The following KHDRBS2 variants were observed in gnomAD, a reference collection of about 807,000 sequenced individuals.
The protein encoded by KHDRBS2 is KH RNA binding domain containing, signal transduction associated 2, also known as KH domain-containing, RNA-binding, signal transduction-associated protein 2.
A neutral mutation model predicts 44.3 loss-of-function variants in KHDRBS2; 26 were observed. That is an observed-to-expected ratio of 0.59 (90% confidence interval 0.43 to 0.81). KHDRBS2 has a LOEUF of 0.81. KHDRBS2 is among the 40% of genes least tolerant of loss of function. The pLI is 0.00. For missense variants in KHDRBS2, 476 were observed against 433.1 expected (o/e 1.10, Z -0.88); for synonymous variants, 194 against 151.1 (o/e 1.28, Z -2.08).
At chr6:61,942,693 C>T (rs577031945) in intron 4 of KHDRBS2, among the ~76,000 whole-genome samples, 78 of 152,036 alleles carry the variant, frequency 5.1e-4, no homozygotes, top group African/African-American at 1.5e-3. Context: ...CCAAGTCTAG[C>T]GAGAAATTTA....
intron 2 of KHDRBS2, among the ~76,000 whole-genome samples, chr6:62,090,359 T>C (rs1299225390): frequency 6.6e-6 from 1 of 152,190 alleles, no homozygotes; most frequent in Non-Finnish European, 1.5e-5. Context: ...GAAAACAGAA[T>C]AAATTAATAC....
intron 2 of KHDRBS2, among the ~76,000 whole-genome samples, chr6:62,064,958 A>G (rs529314592): frequency 2.6e-5 from 4 of 152,140 alleles, no homozygotes; most frequent in Non-Finnish European, 5.9e-5. Context: ...AACCCCATCA[A>G]AAAGTGGGTG....
intron 6 of KHDRBS2, among the ~76,000 whole-genome samples, chr6:61,740,775 C>T (rs1298390972): frequency 6.6e-6 from 1 of 151,808 alleles, no homozygotes; most frequent in African/African-American, 2.4e-5. Context: ...TAAGTGTTTT[C>T]TTGTCAGGTC....
At chr6:61,890,380 A>T (rs1801636473) in intron 6 of KHDRBS2, among the ~76,000 whole-genome samples, 1 of 152,194 alleles carries the variant, frequency 6.6e-6, no homozygotes, top group Non-Finnish European at 1.5e-5. Flanking sequence ...CCACATTTCC[A>T]TAAACTCTTT....
chr6:61,623,611 T>A, the KHDRBS2 span, among the ~76,000 whole-genome samples: 1 of 152,172 alleles, frequency 6.6e-6, no homozygotes, highest in Non-Finnish European at 1.5e-5. Flanking sequence ...TATTTTAAGA[T>A]GGAAATAATA....
chr6:61,963,747 T>C (rs1769282606), intron 4 of KHDRBS2, among the ~76,000 whole-genome samples: 1 of 152,070 alleles, frequency 6.6e-6, no homozygotes. Flanking sequence ...TTACAAGGGT[T>C]TCTCCTCATC....
intron 4 of KHDRBS2, among the ~76,000 whole-genome samples, chr6:61,931,561 T>C (rs1019402486): frequency 1.3e-5 from 2 of 152,196 alleles, no homozygotes; most frequent in Non-Finnish European, 2.9e-5. Flanking sequence ...TGGTTTTATA[T>C]GCTCATTTAT....
At position 61,831,490 on chromosome 6, in the gene KHDRBS2, G is replaced by T. The variant is rs559676983; in HGVS notation, c.810+63145C>A. On this transcript the variant is annotated intron_variant, in intron 6 of 8. Transcript: ENST00000281156. ...CATCTATACCATGACTTAAAGGGTC[G>T]TTTGAAAGGTATTCTGATTGAGTCA... Among the ~76,000 whole-genome samples, 8 of 151,936 alleles carry T rather than the reference G, an allele frequency of 5.3e-5. No homozygotes were observed. The South Asian group carries it at 1.7e-3, about 32-fold the overall frequency.
intron 1 of KHDRBS2, among the ~76,000 whole-genome samples, chr6:62,278,647 A>G (rs1052058196): frequency 1.3e-5 from 2 of 152,212 alleles, no homozygotes; most frequent in Admixed American, 1.3e-4. Flanking sequence ...GATAAACATA[A>G]GAAGACTTTC....
the KHDRBS2 span, among the ~76,000 whole-genome samples, chr6:61,620,054 AATAATTTTTCC>A: frequency 6.6e-6 from 1 of 152,156 alleles, no homozygotes; most frequent in Non-Finnish European, 1.5e-5. Context: ...CTTACCACAT[AATAATTTTTCC>A]ATTGCTGTTG....
intron 1 of KHDRBS2, among the ~76,000 whole-genome samples, chr6:62,179,140 G>A (rs751066301): frequency 4.9e-4 from 75 of 151,598 alleles, no homozygotes; most frequent in Admixed American, 7.9e-4. Context: ...TTTGGGCTGT[G>A]TGGAATTTAA....
At chr6:61,889,688 G>A (rs111239461) in intron 6 of KHDRBS2, among the ~76,000 whole-genome samples, 1,525 of 152,224 alleles carry the variant, frequency 0.01, 13 homozygotes, top group Middle Eastern at 0.017. Flanking sequence ...TATCCATGAT[G>A]TAGGCAGATT....
At chr6:62,210,068 C>T (rs1463682651) in intron 1 of KHDRBS2, among the ~76,000 whole-genome samples, 1 of 152,100 alleles carries the variant, frequency 6.6e-6, no homozygotes, top group African/African-American at 2.4e-5. Context: ...ATCTATCCTA[C>T]TTGTTCTGTC....
chr6:61,721,746 C>G lies in KHDRBS2; in HGVS notation c.893+10936G>C, dbSNP rs2009721528. 1.8e-5 allele frequency among the ~76,000 whole-genome samples: 2 copies of G among 109,006 alleles called. 1 individual carries two copies. Among genetic ancestry groups the G allele is most frequent in the Non-Finnish European group, 4.1e-5 (2 of 48,500 alleles). The allele number at this position is 109,006 out of a possible 152,430, so 71.5% of individuals were successfully genotyped here. Reference sequence around the variant, plus strand: ...GCAAACAGGGACAATTTGACTTCCTCTTTTCCTAATTGAATACCTTTTATT... The same window carrying G: ...GCAAACAGGGACAATTTGACTTCCTGTTTTCCTAATTGAATACCTTTTATT... On this transcript the variant is annotated intron_variant, in intron 7 of 8. Coordinates refer to ENST00000281156, the MANE Select transcript of KHDRBS2 (RefSeq NM_152688.4).
At chr6:62,090,208 G>A (rs1799235553) in intron 2 of KHDRBS2, among the ~76,000 whole-genome samples, 1 of 152,098 alleles carries the variant, frequency 6.6e-6, no homozygotes, top group Non-Finnish European at 1.5e-5. Flanking sequence ...ACTATTTAAG[G>A]AAATGGCTCC....
the KHDRBS2 span, among the ~76,000 whole-genome samples, chr6:61,589,903 G>A: frequency 6.6e-6 from 1 of 152,080 alleles, no homozygotes; most frequent in Non-Finnish European, 1.5e-5. Context: ...AGAGGAAGGA[G>A]GCAACCTTAT....
chr6:61,881,943 G>C (rs1238452699), intron 6 of KHDRBS2, among the ~76,000 whole-genome samples: 1 of 151,982 alleles, frequency 6.6e-6, no homozygotes, highest in East Asian at 1.9e-4. Flanking sequence ...CAAAAATATT[G>C]CAGTATAAAT....
intron 1 of KHDRBS2, among the ~76,000 whole-genome samples, chr6:62,226,294 T>C (rs1249604089): frequency 6.6e-6 from 1 of 152,198 alleles, no homozygotes; most frequent in Non-Finnish European, 1.5e-5. Flanking sequence ...ATCAGTGATG[T>C]TGAGCTTTTT....
At chr6:61,753,791 G>A (rs1778091603) in intron 6 of KHDRBS2, among the ~76,000 whole-genome samples, 1 of 152,108 alleles carries the variant, frequency 6.6e-6, no homozygotes, top group South Asian at 2.1e-4. Flanking sequence ...ATCCCTAAAT[G>A]TTACCTTATT....
Sources: allele counts gnomAD v4.1 joint callset (sites outside exome capture counted in the v4.1 genomes callset), GRCh38; gene constraint gnomAD v4.1.1; transcripts MANE v1.5; gene names NCBI Gene and HGNC (gene_info 2026-07-23, HGNC 2026-07-21).